The following CNTN4 variants were observed in gnomAD, a reference collection of about 807,000 sequenced individuals.
The protein encoded by CNTN4 is contactin 4, also known as contactin-4.
Under a neutral mutation model 122.5 loss-of-function variants are expected in CNTN4, and 77 were observed. That is an observed-to-expected ratio of 0.63 (90% CI 0.52 to 0.76). The LOEUF (loss-of-function observed/expected upper bound fraction) is 0.76. CNTN4 is among the 30% of genes least tolerant of loss of function. CNTN4 has a pLI of 0.00. For synonymous variants in CNTN4, 512 were observed against 447.0 expected, an observed-to-expected ratio of 1.15 and a Z score of -1.83; for missense variants, 1,256 against 1,259.1, an observed-to-expected ratio of 1.00 and a Z score of 0.04.
In CNTN4 at chr3:2,219,187, A is replaced by G. The variant is rs144002038; in HGVS notation, c.-145+118548A>G. On this transcript the variant is annotated intron_variant, in intron 2 of 24. Transcript: ENST00000418658. ...TGATGTTTACAGTAACTCTGGAGGTAGAGGGTTAGTGATTTATATTTTAAC... is the reference window on the plus strand; with the variant it reads ...TGATGTTTACAGTAACTCTGGAGGTGGAGGGTTAGTGATTTATATTTTAAC... 2.8e-3 allele frequency among the ~76,000 whole-genome samples: 430 copies of G among 152,330 alleles called. 2 individuals carry two copies. The highest frequency in any genetic ancestry group is 9.9e-3 in the African/African-American group (412 of 41,572).
chr3:2,921,969 A>T (rs1245688863), intron 12 of CNTN4, among the ~76,000 whole-genome samples: 1 of 152,222 alleles, frequency 6.6e-6, no homozygotes, highest in East Asian at 1.9e-4. Flanking sequence ...TCTAATAAAG[A>T]TCATTGAAAA....
chr3:2,283,884 A>C (rs927311224), intron 2 of CNTN4, among the ~76,000 whole-genome samples: 2 of 152,048 alleles, frequency 1.3e-5, no homozygotes, highest in African/African-American at 4.8e-5. Context: ...TAATCTACAA[A>C]AGCTAAAAAA....
chr3:2,341,206 A>C (rs1371946667), intron 3 of CNTN4, among the ~76,000 whole-genome samples: 1 of 151,976 alleles, frequency 6.6e-6, no homozygotes, highest in African/African-American at 2.4e-5. Flanking sequence ...GGTTTCTTTG[A>C]TCCTATTCAT....
chr3:2,761,434 T>C (rs2090584052), intron 6 of CNTN4, among the ~76,000 whole-genome samples: 1 of 98,680 alleles, frequency 1.0e-5, no homozygotes, highest in South Asian at 3.5e-4. Context: ...CTGGTAAGTG[T>C]AACCTGTGTG....
In CNTN4 at chr3:2,379,325, T is replaced by G. The variant is rs576181918; in HGVS notation, c.-89+40092T>G. Among the ~76,000 whole-genome samples, 3 of 152,248 alleles carry G rather than the reference T, an allele frequency of 2.0e-5. No homozygotes were observed. In the South Asian group the frequency reaches 6.2e-4, roughly 32 times the overall value. On this transcript the variant is annotated intron_variant, in intron 3 of 24. Coordinates refer to ENST00000418658, the MANE Select transcript of CNTN4 (RefSeq NM_175607.3). ...CAGATGGTTACCAATATGATTAAAA[T>G]TCTTCAAGAAGCATGCAGATCTGCC...
chr3:2,124,520 G>A (rs1012585205), intron 2 of CNTN4, among the ~76,000 whole-genome samples: 2 of 150,988 alleles, frequency 1.3e-5, no homozygotes, highest in Admixed American at 1.3e-4. Flanking sequence ...CCCACACTTT[G>A]GGAGGCTGAG....
chr3:2,436,876 T>C (rs1021954238), intron 3 of CNTN4, among the ~76,000 whole-genome samples: 29 of 150,710 alleles, frequency 1.9e-4, no homozygotes, highest in African/African-American at 7.0e-4. Context: ...TAAATAGATA[T>C]GGAGGTAAAT....
At chr3:2,389,990 A>G (rs1197624505) in intron 3 of CNTN4, among the ~76,000 whole-genome samples, 1 of 152,200 alleles carries the variant, frequency 6.6e-6, no homozygotes, top group East Asian at 1.9e-4. Flanking sequence ...GTGTATATGA[A>G]CTATCTCAGA....
At chr3:2,949,826 C>A (rs989540075) in intron 13 of CNTN4, among the ~76,000 whole-genome samples, 1 of 152,054 alleles carries the variant, frequency 6.6e-6, no homozygotes, top group South Asian at 2.1e-4. Flanking sequence ...CTTACAATAC[C>A]CAAACCCTAA....
At chr3:2,905,140 T>C (rs569433496) in intron 12 of CNTN4, among the ~76,000 whole-genome samples, 62 of 152,322 alleles carry the variant, frequency 4.1e-4, no homozygotes, top group African/African-American at 1.4e-3. Flanking sequence ...GTTCCAACTT[T>C]TACATTAAGG....
intron 7 of CNTN4, among the ~76,000 whole-genome samples, chr3:2,842,347 T>C (rs1412719953): frequency 6.6e-6 from 1 of 152,178 alleles, no homozygotes; most frequent in African/African-American, 2.4e-5. Context: ...AGGGCTCCAA[T>C]CTAAGATCAA....
intron 13 of CNTN4, among the ~76,000 whole-genome samples, chr3:2,954,707 C>T (rs1246227044): frequency 2.6e-5 from 4 of 151,920 alleles, no homozygotes; most frequent in Non-Finnish European, 1.5e-5. Context: ...TCTTGCAATG[C>T]AATAACCTGG....
At chr3:2,992,612 C>T (rs1695152642) in intron 14 of CNTN4, among the ~76,000 whole-genome samples, 1 of 152,078 alleles carries the variant, frequency 6.6e-6, no homozygotes, top group Non-Finnish European at 1.5e-5. Flanking sequence ...AAGTAGCAGT[C>T]CTAGAGAAGA....
intron 3 of CNTN4, among the ~76,000 whole-genome samples, chr3:2,456,961 T>C (rs1395449048): frequency 6.6e-6 from 1 of 152,154 alleles, no homozygotes; most frequent in Non-Finnish European, 1.5e-5. Flanking sequence ...CTCAGAACCC[T>C]ATGAGGTGAA....
intron 2 of CNTN4, among the ~76,000 whole-genome samples, chr3:2,102,388 A>G (rs1461788110): frequency 6.6e-6 from 1 of 152,238 alleles, no homozygotes; most frequent in African/African-American, 2.4e-5. Context: ...ATTTCACGGC[A>G]TCACGATAGG....
intron 2 of CNTN4, among the ~76,000 whole-genome samples, chr3:2,221,112 A>G (rs556948988): frequency 6.6e-6 from 1 of 152,232 alleles, no homozygotes; most frequent in Non-Finnish European, 1.5e-5. Flanking sequence ...GTGGAGAGGT[A>G]TCATATGTAA....
At chr3:2,984,011 G>T (rs904247669) in intron 13 of CNTN4, among the ~76,000 whole-genome samples, 1 of 152,160 alleles carries the variant, frequency 6.6e-6, no homozygotes, top group African/African-American at 2.4e-5. Flanking sequence ...GCAAATAACA[G>T]TGGGAGAGTT....
chr3:2,169,629 C>T (rs1023067698), intron 2 of CNTN4, among the ~76,000 whole-genome samples: 3 of 151,806 alleles, frequency 2.0e-5, no homozygotes, highest in Non-Finnish European at 2.9e-5. Flanking sequence ...GATCTCCTGA[C>T]CTCGTGATCC....
chr3:2,581,500 C>G (rs187186296), intron 4 of CNTN4, among the ~76,000 whole-genome samples: 2 of 152,230 alleles, frequency 1.3e-5, no homozygotes, highest in East Asian at 3.9e-4. Context: ...AAGCTGGACT[C>G]TAGATGTATT....
Sources: gnomAD v4.1 joint callset for allele counts (sites outside exome capture counted in the v4.1 genomes callset) on GRCh38, gnomAD v4.1.1 for gene constraint, MANE v1.5 for transcripts, NCBI Gene and HGNC (gene_info 2026-07-23, HGNC 2026-07-21) for gene names.